Variants in ABCA7 observed in about 807,000 individuals in gnomAD.
ABCA7 encodes the protein ATP binding cassette subfamily A member 7.
In ABCA7, 261 loss-of-function variants were observed where a neutral mutation model predicts 227.6. The observed-to-expected ratio is 1.15, with a 90% CI of 1.04 to 1.27. The LOEUF is 1.27. Among genes scored for constraint, ABCA7 ranks in the 50% most tolerant of loss-of-function variants. The probability of loss-of-function intolerance (pLI) is 0.00; values close to 1 mark genes in which losing one functional copy is unlikely to be tolerated. For synonymous variants in ABCA7, 1,488 were observed against 1,279.7 expected (o/e 1.16, Z -3.47); for missense variants, 3,331 against 2,924.5 (o/e 1.14, Z -3.21).
Position 1,051,271 on chromosome 19 carries a change from G to A in ABCA7, c.2801G>A (p.Ser934Asn). ...GATGTGGGGCTGGTCTCCAAGCAGA[G>A]TGTGCAGACTCGCCACCTCTCTGGT... ...LQDVGLVSKQ[S>N]VQTRHLSGGM... The change falls in exon 20 of 47, where the codon AGT becomes AAT. Residue 934 changes from serine to asparagine, a missense_variant. Coordinates refer to ENST00000263094, the MANE Select transcript of ABCA7 (RefSeq NM_019112.4). 6.2e-7 allele frequency: 1 copy of A among 1,605,658 alleles called. No individual in the cohort carries two copies. Among genetic ancestry groups the A allele is most frequent in the South Asian group, 1.1e-5 (1 of 90,058 alleles).
Position 1,065,119 on chromosome 19 carries a change from G to A in ABCA7, c.6233G>A (p.Gly2078Asp), listed in dbSNP as rs1456598153. 1 of 1,589,798 alleles carries A rather than the reference G, an allele frequency of 6.3e-7. No homozygotes were observed. The highest frequency in any genetic ancestry group is 8.6e-7 in the Non-Finnish European group (1 of 1,167,542). The change falls in exon 46 of 47, where the codon GGC becomes GAC. Residue 2078 changes from glycine to aspartate, a missense_variant. By Grantham distance (94) the Gly-to-Asp change is moderately conservative (BLOSUM62 -1). Transcript: ENST00000263094. ...GTCTTTGGAGAGCTGGCGGTGCACG[G>A]CGCAGAGCACGGCGTGGAGGACTTT... ...ARVFGELAVH[G>D]AEHGVEDFSV...
Position 1,046,291 on chromosome 19 carries a change from T to C in ABCA7, c.1507T>C (p.Phe503Leu). 6.2e-7 allele frequency: 1 copy of C among 1,606,074 alleles called. No homozygotes were observed. The highest frequency in any genetic ancestry group is 1.7e-5 in the Admixed American group (1 of 59,982). The change falls in exon 13 of 47, where the codon TTC becomes CTC. Residue 503 changes from phenylalanine to leucine, a missense_variant. Phe to Leu is a conservative substitution (Grantham distance 22). Coordinates refer to ENST00000263094, the MANE Select transcript of ABCA7 (RefSeq NM_019112.4). The part of the protein sequence containing the change: ...LTDLRYVWGG[F>L]VYLQDLVERA... ...CGACCTGCGCTACGTGTGGGGCGGC[T>C]TCGTGTACCTGCAAGACCTGGTGGA...
chr19:1,046,787 C>A lies in ABCA7; in HGVS notation c.1623-15C>A. 6.5e-7 allele frequency: 1 copy of A among 1,534,472 alleles called. No homozygotes were observed. Among genetic ancestry groups the A allele is most frequent in the Non-Finnish European group, 8.7e-7 (1 of 1,145,358 alleles). On this transcript the variant is annotated splice_polypyrimidine_tract_variant and intron_variant, in intron 13 of 46. Coordinates refer to ENST00000263094, the MANE Select transcript of ABCA7 (RefSeq NM_019112.4). Reference sequence around the variant, plus strand: ...GGAGGGTCTCCAGCCTCCACCCCAGCCGTCCCCACCCCAGGTTCCTGCGTG... The same window carrying A: ...GGAGGGTCTCCAGCCTCCACCCCAGACGTCCCCACCCCAGGTTCCTGCGTG...
chr19:1,047,220 G>T lies in ABCA7; in HGVS notation c.1909G>T (p.Val637Leu). 1 of 1,608,612 alleles carries T rather than the reference G, an allele frequency of 6.2e-7. No homozygotes were observed. Among genetic ancestry groups the T allele is most frequent in the Non-Finnish European group, 8.5e-7 (1 of 1,179,404 alleles). ...CTTCCTGTTCTTGGCAGCCTTCGCG[G>T]TGGCCACGGTGACCCAGAGCTTCCT... is the stretch of plus-strand genomic sequence containing the variant. ...VVFLFLAAFA[V>L]ATVTQSFLLS... The change falls in exon 15 of 47, where the codon GTG becomes TTG. Residue 637 changes from valine (V) to leucine (L), a missense_variant. By Grantham distance (32) the Val-to-Leu change is conservative (BLOSUM62 1). Transcript: ENST00000263094.
chr19:1,055,590 C>T (rs1185032476), intron 30 of ABCA7, among the ~76,000 whole-genome samples: 8 of 150,578 alleles, frequency 5.3e-5, no homozygotes, highest in Non-Finnish European at 1.0e-4. Context: ...GCAACCTCCA[C>T]CTCCCAGTTT....
intron 35 of ABCA7, 142 bp from the exon 36 acceptor site, chr19:1,057,773 G>T: frequency 8.9e-7 from 1 of 1,124,676 alleles, no homozygotes; most frequent in Non-Finnish European, 1.2e-6. Flanking sequence ...GAGAAAGAGA[G>T]AAAGAAAAAA....
At chr19:1,053,173 G>A (rs767254499) in intron 23 of ABCA7, among the ~76,000 whole-genome samples, 156 bp from the exon 24 acceptor site, 1 of 152,210 alleles carries the variant, frequency 6.6e-6, no homozygotes, top group African/African-American at 2.4e-5. Flanking sequence ...GATTACAGGC[G>A]TGAGCCACTG....
Position 1,051,258 on chromosome 19 carries a change from G to A in ABCA7, c.2788G>A (p.Val930Ile). The A allele has an allele frequency of 6.2e-7, 1 of 1,608,268 alleles. No homozygotes were observed. The highest frequency in any genetic ancestry group is 1.7e-5 in the Admixed American group (1 of 59,772). ...CCGTCTGCTGCAGGATGTGGGGCTG[G>A]TCTCCAAGCAGAGTGTGCAGACTCG... ...QDRLLQDVGL[V>I]SKQSVQTRHL... Residue 930 changes from valine (V) to isoleucine (I), a missense_variant, in exon 20 of 47, where the codon GTC becomes ATC. Physicochemically the swap from Val to Ile is conservative, Grantham distance 29. Transcript: ENST00000263094.
At chr19:1,060,207 A>ATATATATATATTTTTTTTTTTT in intron 40 of ABCA7, among the ~76,000 whole-genome samples, 1 of 96,770 alleles carries the variant, frequency 1.0e-5, no homozygotes, top group African/African-American at 3.5e-5. Context: ...ATATATATAT[A>ATATATATATATTTTTTTTTTTT]TTTTTTTTTC....
At position 1,063,566 on chromosome 19, in the gene ABCA7, G is replaced by T. The variant is rs760239175; in HGVS notation, c.5735G>T (p.Arg1912Leu). 2 of 1,610,852 alleles carry T rather than the reference G, an allele frequency of 1.2e-6. No individual in the cohort carries two copies. The highest frequency in any genetic ancestry group is 8.5e-7 in the Non-Finnish European group (1 of 1,179,906). ...CAGACCGCTGGCTCGGGCCTGGCGC[G>T]TCTGGGACTCTCATGGTACGCAGAC... ...VAQTAGSGLARLGLSWYADRP... is the reference protein window; with the variant it reads ...VAQTAGSGLALLGLSWYADRP... Residue 1912 changes from arginine (R) to leucine (L), a missense_variant, in exon 43 of 47, where the codon CGT becomes CTT. Coordinates refer to ENST00000263094, the MANE Select transcript of ABCA7 (RefSeq NM_019112.4).
chr19:1,054,852 G>A lies in ABCA7; in HGVS notation c.3924G>A (p.Glu1308=). Residue 1308 remains glutamate, a synonymous_variant, in exon 29 of 47, where the codon GAG becomes GAA. Transcript: ENST00000263094. The surrounding 1 kb of genome is among the most constrained non-coding windows in gnomAD (Gnocchi z 4.8). ...EALLQEAGLE[E]PPVQHSSHRF... is the part of the protein sequence containing the mutation. Reference sequence around the variant, plus strand: ...TGCTGCAGGAGGCAGGACTGGAGGAGCCCCCAGTGCAGCATAGCTCCCACA... The same window carrying A: ...TGCTGCAGGAGGCAGGACTGGAGGAACCCCCAGTGCAGCATAGCTCCCACA... 6.4e-7 allele frequency: 1 copy of A among 1,562,196 alleles called. No individual in the cohort carries two copies. The highest frequency in any genetic ancestry group is 2.4e-5 in the East Asian group (1 of 41,644).
chr19:1,063,410 C>T, intron 42 of ABCA7, 134 bp from the exon 43 acceptor site: 1 of 1,279,226 alleles, frequency 7.8e-7, no homozygotes, highest in Non-Finnish European at 1.1e-6. Flanking sequence ...CACACTATGT[C>T]CCATTCTCAC....
At chr19:1,046,691 C>A in intron 13 of ABCA7, 111 bp from the exon 14 acceptor site, 1 of 1,240,140 alleles carries the variant, frequency 8.1e-7, no homozygotes, top group Non-Finnish European at 1.1e-6. Context: ...AACAGGGAGG[C>A]AAATCTTCCC....
At position 1,049,061 on chromosome 19, in the gene ABCA7, A is replaced by T. The variant is rs2041086852; in HGVS notation, c.2380+56A>T. ...GTCCACATATGCCCAGTTCCCCCCC[A>T]AAACGAGATTCCACAGATGCCAATG... On this transcript the variant is annotated intron_variant, in intron 17 of 46. Transcript: ENST00000263094. 1.1e-5 allele frequency: 11 copies of T among 1,025,580 alleles called. No homozygotes were observed. The South Asian group carries it at 1.1e-4, about 10-fold the overall frequency. 63.5% of individuals were successfully genotyped at this position (1,025,580 alleles called of 1,614,324 possible). A position where few individuals can be genotyped will look rare whatever the true frequency, so the allele number is the denominator to read the frequency against.
chr19:1,055,792 G>A (rs1158319580), intron 30 of ABCA7, 115 bp from the exon 31 acceptor site: 23 of 1,127,940 alleles, frequency 2.0e-5, no homozygotes, highest in Middle Eastern at 2.5e-4. Flanking sequence ...AGGAGCCACC[G>A]CGCCCGGCTT....
chr19:1,042,948 G>A lies in ABCA7; in HGVS notation c.580-93G>A, dbSNP rs60355457. 6.2e-3 allele frequency: 9,336 copies of A among 1,512,760 alleles called. 532 individuals carry two copies. In the African/African-American group the frequency reaches 0.12, roughly 19 times the overall value. The allele number at this position is 1,512,760 out of a possible 1,614,324, so 93.7% of individuals were successfully genotyped here. On this transcript the variant is annotated intron_variant, in intron 7 of 46. Transcript: ENST00000263094. ...TGGGTTTTCAGGAGGATTAGACAGC[G>A]AGAGGGAGAGGCTGCCCCTGGCCCA...
Position 1,064,988 on chromosome 19 carries a change from A to G in ABCA7, c.6102A>G (p.Ala2034=), listed in dbSNP as rs1224837390. 1.3e-6 allele frequency: 2 copies of G among 1,555,522 alleles called. No individual in the cohort carries two copies. The highest frequency in any genetic ancestry group is 1.7e-6 in the Non-Finnish European group (2 of 1,151,124). ...TGCCCGCCGCAAGGTCCCAGCCGGC[A>G]GCGGCCTTCGTGGCGGCCGAGTTCC... ...LRVPAARSQP[A]AAFVAAEFPG... The change falls in exon 46 of 47, where the codon GCA becomes GCG. Residue 2034 remains alanine, a synonymous_variant. Transcript: ENST00000263094.
In ABCA7 at chr19:1,063,870, C is replaced by A. The variant is rs1156401311; in HGVS notation, c.5951+7C>A. 6.6e-7 allele frequency: 1 copy of A among 1,525,262 alleles called. No individual in the cohort carries two copies. The highest frequency in any genetic ancestry group is 1.2e-5 in the South Asian group (1 of 83,038). The allele number at this position is 1,525,262 out of a possible 1,614,324, so 94.5% of individuals were successfully genotyped here. A position where few individuals can be genotyped will look rare whatever the true frequency, so the allele number is the denominator to read the frequency against. ...TGATGCTCACCTCCCATAGGTGGGC[C>A]GGGCTCTGATGCCCTGGGCTGTGGT... On this transcript the variant is annotated splice_region_variant and intron_variant, in intron 44 of 46. Coordinates refer to ENST00000263094, the MANE Select transcript of ABCA7 (RefSeq NM_019112.4).
At chr19:1,047,741 G>A (rs1051124303) in intron 16 of ABCA7, 87 bp downstream of exon 16, 1 of 1,387,566 alleles carries the variant, frequency 7.2e-7, no homozygotes, top group Non-Finnish European at 9.6e-7. Flanking sequence ...GGCCGTTTGG[G>A]GGTGGGGGGT....
Sources: allele counts gnomAD v4.1 joint callset (sites outside exome capture counted in the v4.1 genomes callset), GRCh38; gene constraint gnomAD v4.1.1; non-coding constraint Gnocchi (gnomAD v3.1); transcripts MANE v1.5; gene names NCBI Gene and HGNC (gene_info 2026-07-23, HGNC 2026-07-21).